Variants in PPP6R3 observed in about 807,000 individuals in gnomAD.
PPP6R3 encodes the protein serine/threonine-protein phosphatase 6 regulatory subunit 3.
In PPP6R3, 38 loss-of-function variants were observed where a neutral mutation model predicts 110.7. The ratio of observed to expected loss-of-function variants is 0.34; its 90% CI spans 0.26 to 0.45. The LOEUF (loss-of-function observed/expected upper bound fraction) is 0.45, where lower values mean the gene tolerates loss of function less well. Ranked by LOEUF, PPP6R3 falls within the 20% of genes least tolerant of loss-of-function variation. The pLI is 1.00. For missense variants in PPP6R3, 870 were observed against 1,062.4 expected (o/e 0.82, Z 2.52); for synonymous variants, 369 against 373.5 (o/e 0.99, Z 0.14).
At chr11:68,595,200 ATTTTT>A (rs71043443) in intron 18 of PPP6R3, among the ~76,000 whole-genome samples, 14 of 81,102 alleles carry the variant, frequency 1.7e-4, no homozygotes, top group African/African-American at 3.1e-4. Flanking sequence ...CATAAAAATA[ATTTTT>A]TTTTTTTTTT....
intron 23 of PPP6R3, among the ~76,000 whole-genome samples, chr11:68,612,478 A>G (rs2153981660): frequency 6.6e-6 from 1 of 152,062 alleles, no homozygotes; most frequent in Admixed American, 6.5e-5. Context: ...GGAAGGCAAA[A>G]CCTGGACACT....
At chr11:68,579,112 G>A (rs962894706) in intron 14 of PPP6R3, among the ~76,000 whole-genome samples, 4 of 152,234 alleles carry the variant, frequency 2.6e-5, no homozygotes, top group South Asian at 2.1e-4. Flanking sequence ...CTGAATGTGT[G>A]CCTGTATTAA....
chr11:68,513,242 C>G (rs1006467767), intron 1 of PPP6R3, among the ~76,000 whole-genome samples: 1 of 152,090 alleles, frequency 6.6e-6, no homozygotes, highest in Admixed American at 6.6e-5. Context: ...CATAAATCCC[C>G]TCTCATGTAT....
At chr11:68,600,259 G>A (rs2099627669) in intron 19 of PPP6R3, 82 bp from the exon 20 acceptor site, 5 of 1,464,274 alleles carry the variant, frequency 3.4e-6, no homozygotes, top group South Asian at 1.2e-5. Context: ...AGTCTCTTTT[G>A]CTAATGTGTT....
chr11:68,588,122 T>G (rs1473508017), intron 16 of PPP6R3, 98 bp downstream of exon 16: 2 of 1,069,004 alleles, frequency 1.9e-6, no homozygotes, highest in Non-Finnish European at 2.9e-6. Flanking sequence ...TGAGCATTCG[T>G]GAGTGGGAGG....
chr11:68,598,237 C>T (rs1372263081), intron 19 of PPP6R3, among the ~76,000 whole-genome samples: 1 of 152,092 alleles, frequency 6.6e-6, no homozygotes, highest in African/African-American at 2.4e-5. Context: ...AGAGTTCATC[C>T]CTGCTGTGGT....
At chr11:68,563,263 T>G (rs1418939282) in intron 8 of PPP6R3, among the ~76,000 whole-genome samples, 11 of 152,102 alleles carry the variant, frequency 7.2e-5, no homozygotes. Flanking sequence ...GATCAAGGTG[T>G]TGGTGGTGCT....
intron 16 of PPP6R3, among the ~76,000 whole-genome samples, chr11:68,588,970 G>C (rs1348312949): frequency 6.6e-6 from 1 of 151,910 alleles, no homozygotes. Context: ...ACTTTGGGAG[G>C]CCGAGCCGGG....
intron 1 of PPP6R3, among the ~76,000 whole-genome samples, chr11:68,498,038 T>G (rs911656445): frequency 1.3e-5 from 2 of 152,214 alleles, no homozygotes; most frequent in Admixed American, 1.3e-4. Flanking sequence ...TTCCTCTATA[T>G]TTAGACATTT....
chr11:68,475,122 G>C (rs905099744), intron 1 of PPP6R3, among the ~76,000 whole-genome samples: 2 of 151,964 alleles, frequency 1.3e-5, no homozygotes, highest in Admixed American at 6.6e-5. Context: ...TGACTCTTAA[G>C]GAGCATGCTG....
chr11:68,506,414 CAAAAAAAAAAAAAAAAAAAAAAAAAAAAA>C (rs67739319), intron 1 of PPP6R3, among the ~76,000 whole-genome samples: 9 of 46,048 alleles, frequency 2.0e-4, no homozygotes, highest in Admixed American at 7.5e-4. Context: ...CCTTTATACT[CAAAAAAAAAAAAAAAAAAAAAAAAAAAAA>C]AAAAATTCCT....
At chr11:68,499,195 A>G (rs911988804) in intron 1 of PPP6R3, among the ~76,000 whole-genome samples, 1 of 152,180 alleles carries the variant, frequency 6.6e-6, no homozygotes, top group Non-Finnish European at 1.5e-5. Flanking sequence ...TAAAACAGCA[A>G]TAAACATTAT....
At chr11:68,532,068 C>G (rs2099244207) in intron 2 of PPP6R3, among the ~76,000 whole-genome samples, 1 of 152,198 alleles carries the variant, frequency 6.6e-6, no homozygotes, top group African/African-American at 2.4e-5. Context: ...AATAATTTAG[C>G]CACTTTACCA....
rs1469304962 is a variant in PPP6R3, at chr11:68,614,899, G to C, written c.*1782G>C. ...TAGATAATATGCTCTGGTCTCGCCT[G>C]GTGGTGAGTTTTGCCAGCCATGGCC... On this transcript the variant is annotated 3_prime_UTR_variant, in exon 24 of 24. Transcript: ENST00000393800. The C allele has an allele frequency of 2.4e-6, 2 of 821,862 alleles. No homozygotes were observed. The highest frequency in any genetic ancestry group is 2.0e-6 in the Non-Finnish European group (1 of 504,422). The allele number at this position is 821,862 out of a possible 1,614,324, so 50.9% of individuals were successfully genotyped here.
chr11:68,581,058 A>C (rs1266920979), intron 14 of PPP6R3, among the ~76,000 whole-genome samples: 3 of 152,174 alleles, frequency 2.0e-5, no homozygotes, highest in Admixed American at 2.0e-4. Context: ...GGCGTGAGCC[A>C]CTGCGCCCAG....
chr11:68,544,790 A>G (rs759702300), intron 3 of PPP6R3, 48 bp from the exon 4 acceptor site: 8 of 1,317,728 alleles, frequency 6.1e-6, no homozygotes, highest in Non-Finnish European at 5.3e-6. Context: ...ATCTTTATGT[A>G]ATTAAACTGT....
intron 23 of PPP6R3, among the ~76,000 whole-genome samples, chr11:68,612,221 G>A (rs1234516125): frequency 1.3e-5 from 2 of 152,096 alleles, no homozygotes; most frequent in East Asian, 1.9e-4. Flanking sequence ...TCTCATACAC[G>A]GAGCCACCAT....
intron 1 of PPP6R3, among the ~76,000 whole-genome samples, chr11:68,481,769 T>A (rs2098915039): frequency 6.6e-6 from 1 of 152,240 alleles, no homozygotes; most frequent in Non-Finnish European, 1.5e-5. Context: ...CTTACTCACC[T>A]CCACTTGCAG....
intron 1 of PPP6R3, among the ~76,000 whole-genome samples, chr11:68,483,926 T>G (rs1318551665): frequency 2.6e-5 from 4 of 152,246 alleles, no homozygotes; most frequent in African/African-American, 4.8e-5. Flanking sequence ...ACTAATCCTT[T>G]TACTGTCTGC....
Sources: allele counts gnomAD v4.1 joint callset (sites outside exome capture counted in the v4.1 genomes callset), GRCh38; gene constraint gnomAD v4.1.1; transcripts MANE v1.5; gene names NCBI Gene and HGNC (gene_info 2026-07-23, HGNC 2026-07-21).